The following DENND1B variants were observed in gnomAD, a reference collection of about 807,000 sequenced individuals.
The protein encoded by DENND1B is DENN domain-containing protein 1B.
DENND1B carries 59 observed loss-of-function variants against 90.1 expected under a neutral mutation model. That is an observed-to-expected ratio of 0.65 (90% CI 0.53 to 0.81). DENND1B has a LOEUF of 0.81. Among genes scored for constraint, DENND1B ranks in the 40% least tolerant of loss-of-function variants. The pLI, the probability that DENND1B is intolerant of heterozygous loss-of-function variation, is 0.00. For missense variants in DENND1B, 862 were observed against 912.6 expected (o/e 0.94, Z 0.71); for synonymous variants, 337 against 324.6 (o/e 1.04, Z -0.41).
intron 11 of DENND1B, among the ~76,000 whole-genome samples, chr1:197,616,677 A>C (rs1677678332): frequency 6.6e-6 from 1 of 151,182 alleles, no homozygotes; most frequent in South Asian, 2.1e-4. Flanking sequence ...TATGAACTTA[A>C]ATCATTTTTA....
intron 2 of DENND1B, chr1:197,747,229 T>C: frequency 1.5e-6 from 1 of 668,924 alleles, no homozygotes; most frequent in Non-Finnish European, 2.8e-6. Flanking sequence ...ATTCTACATA[T>C]CTAGGGGAAT....
intron 5 of DENND1B, among the ~76,000 whole-genome samples, chr1:197,661,643 T>C (rs980713336): frequency 3.3e-5 from 5 of 152,110 alleles, no homozygotes; most frequent in African/African-American, 1.2e-4. Context: ...GTGAGGCCTT[T>C]GGTAACCTTA....
chr1:197,552,346 C>G lies in DENND1B; in HGVS notation c.1240+676G>C, dbSNP rs75572822. 1,251 of 984,982 alleles carry G rather than the reference C, an allele frequency of 1.3e-3. 16 individuals are homozygous for G. The African/African-American group carries it at 0.02, about 16-fold the overall frequency. 61.0% of individuals were successfully genotyped at this position (984,982 alleles called of 1,614,324 possible). ...GCACTCAGCAAATAATGAATGAACA[C>G]GACATTTCAAGGACTCAAGCAAAAT... On this transcript the variant is annotated intron_variant, in intron 16 of 22. Transcript: ENST00000620048.
In DENND1B at chr1:197,729,170, C is replaced by T. The variant is rs142906979; in HGVS notation, c.83-14096G>A. 6.9e-4 allele frequency among the ~76,000 whole-genome samples: 105 copies of T among 152,274 alleles called. No homozygotes were observed. In the East Asian group the frequency reaches 0.02, roughly 29 times the overall value. On this transcript the variant is annotated intron_variant, in intron 2 of 22. Coordinates refer to ENST00000620048, the MANE Select transcript of DENND1B (RefSeq NM_001195215.2). ...TCCCACTTCCAGACAATAACCATCG[C>T]TACCAAACCATCTTATTTGTGTCTC...
chr1:197,572,986 T>C (rs1299382714), intron 15 of DENND1B, among the ~76,000 whole-genome samples: 9 of 152,290 alleles, frequency 5.9e-5, no homozygotes, highest in Non-Finnish European at 8.8e-5. Flanking sequence ...GGTGGTGATA[T>C]CCCCTTTATC....
intron 15 of DENND1B, among the ~76,000 whole-genome samples, chr1:197,557,807 A>T (rs368528719): frequency 6.6e-6 from 1 of 151,832 alleles, no homozygotes; most frequent in South Asian, 2.1e-4. Flanking sequence ...GAGTTGGTTC[A>T]TGGTTATACC....
Position 197,595,192 on chromosome 1 carries a change from G to A in DENND1B, c.1047+16C>T. 6.3e-7 allele frequency: 1 copy of A among 1,594,554 alleles called. No homozygotes were observed. Among genetic ancestry groups the A allele is most frequent in the Non-Finnish European group, 8.5e-7 (1 of 1,173,330 alleles). On this transcript the variant is annotated intron_variant, in intron 14 of 22. Transcript: ENST00000620048. Reference sequence around the variant, plus strand: ...TAAAAAAGCAAATTAAAACAGTGATGAAACAAAACGCTTACAGGTTTGTAT... The same window carrying A: ...TAAAAAAGCAAATTAAAACAGTGATAAAACAAAACGCTTACAGGTTTGTAT...
chr1:197,765,048 G>T (rs186572654), intron 2 of DENND1B, among the ~76,000 whole-genome samples: 39 of 152,214 alleles, frequency 2.6e-4, no homozygotes, highest in African/African-American at 8.9e-4. Context: ...TGCTCTTTAA[G>T]GAAACTCAAG....
chr1:197,513,522 T>TGG (rs11412586), intron 20 of DENND1B, among the ~76,000 whole-genome samples: 32 of 151,214 alleles, frequency 2.1e-4, no homozygotes, highest in East Asian at 1.4e-3. Context: ...CTGCTGAATC[T>TGG]GGGGGGTCAC....
chr1:197,553,215 CATT>C (rs1000848581), intron 15 of DENND1B, 103 bp from the exon 16 acceptor site: 3 of 860,366 alleles, frequency 3.5e-6, no homozygotes, highest in African/African-American at 3.5e-5. Context: ...ACATCAAAAA[CATT>C]AATAACAGAC....
chr1:197,691,981 T>A (rs189049535), intron 3 of DENND1B, among the ~76,000 whole-genome samples: 54 of 152,004 alleles, frequency 3.6e-4, no homozygotes, highest in African/African-American at 1.2e-3. Flanking sequence ...AATGGCAAGT[T>A]GCTGTTCAAC....
rs957219026 is a variant in DENND1B at position 197,775,103 on chromosome 1, C to T, written c.17+36G>A. 45 of 1,238,852 alleles carry T rather than the reference C, an allele frequency of 3.6e-5. No individual in the cohort carries two copies. The African/African-American group carries it at 6.7e-4, about 19-fold the overall frequency. The allele number at this position is 1,238,852 out of a possible 1,614,324, so 76.7% of individuals were successfully genotyped here. On this transcript the variant is annotated intron_variant, in intron 1 of 22. Coordinates refer to ENST00000620048, the MANE Select transcript of DENND1B (RefSeq NM_001195215.2). ...TGGCCTGGGAGGGGCCGCCGAGGGA[C>T]GCCCGCCCCCGACGCGCCCGGGCCC... is the stretch of plus-strand genomic sequence containing the variant.
chr1:197,735,743 C>T (rs1020566051), intron 2 of DENND1B: 7 of 1,612,336 alleles, frequency 4.3e-6, no homozygotes, highest in African/African-American at 2.7e-5. Context: ...ATGCAAAATG[C>T]GAATCGGCGT....
chr1:197,652,442 C>G (rs754997224), intron 6 of DENND1B, 127 bp from the exon 7 acceptor site: 103 of 666,164 alleles, frequency 1.5e-4, no homozygotes, highest in Admixed American at 1.0e-3. Flanking sequence ...ATGTTTTCCA[C>G]AGAAACATTT....
At chr1:197,561,047 T>C (rs1672119483) in intron 15 of DENND1B, among the ~76,000 whole-genome samples, 1 of 151,926 alleles carries the variant, frequency 6.6e-6, no homozygotes, top group African/African-American at 2.4e-5. Flanking sequence ...TTTTTCCTTC[T>C]CTCTTCTGAA....
intron 2 of DENND1B, among the ~76,000 whole-genome samples, chr1:197,763,458 A>G (rs1655347803): frequency 6.6e-6 from 1 of 152,146 alleles, no homozygotes; most frequent in African/African-American, 2.4e-5. Flanking sequence ...TAACAATCCA[A>G]CAAATATTTA....
In DENND1B at chr1:197,510,589, C is replaced by T; in HGVS notation, c.2199G>A (p.Gly733=). Residue 733 remains glycine, a synonymous_variant, in exon 23 of 23, where the codon GGG becomes GGA. Coordinates refer to ENST00000620048, the MANE Select transcript of DENND1B (RefSeq NM_001195215.2). The part of the protein sequence containing the change: ...SSTFVPWEKE[G]KEAKETSEDI... ...CTTCTGAAGTCTCTTTGGCTTCTTT[C>T]CCTTCTTTCTCCCAAGGAACAAAAG... The T allele has an allele frequency of 1.2e-6, 2 of 1,612,744 alleles. No homozygotes were observed. Among genetic ancestry groups the T allele is most frequent in the Non-Finnish European group, 1.7e-6 (2 of 1,179,192 alleles).
intron 10 of DENND1B, among the ~76,000 whole-genome samples, chr1:197,619,534 AAG>A (rs910254340): frequency 5.2e-4 from 78 of 151,320 alleles, no homozygotes; most frequent in African/African-American, 1.6e-3. Flanking sequence ...AACAACAAAA[AAG>A]AGAGAGTGTT....
At chr1:197,703,873 A>G (rs2102171591) in intron 3 of DENND1B, among the ~76,000 whole-genome samples, 1 of 152,238 alleles carries the variant, frequency 6.6e-6, no homozygotes, top group Admixed American at 6.5e-5. Flanking sequence ...TCACATAGAA[A>G]ATTGTTCAAC....
Sources: allele counts gnomAD v4.1 joint callset (sites outside exome capture counted in the v4.1 genomes callset), GRCh38; gene constraint gnomAD v4.1.1; transcripts MANE v1.5; gene names NCBI Gene and HGNC (gene_info 2026-07-23, HGNC 2026-07-21).